Variants in GALNT13 observed in about 807,000 individuals in gnomAD.
GALNT13 encodes UDP-GalNAc:polypeptide N-acetylgalactosaminyltransferase 13.
A neutral mutation model predicts 64.2 loss-of-function variants in GALNT13; 28 were observed. The observed-to-expected ratio is 0.44, with a 90% confidence interval of 0.32 to 0.60. GALNT13 has a LOEUF of 0.60. Ranked by LOEUF, GALNT13 falls within the 20% of genes least tolerant of loss-of-function variation. The pLI is 0.05. For synonymous variants in GALNT13, 214 were observed against 224.6 expected, an observed-to-expected ratio of 0.95 and a Z score of 0.42; for missense variants, 577 against 669.8, an observed-to-expected ratio of 0.86 and a Z score of 1.53.
At chr2:153,728,075 C>A in the GALNT13 span, among the ~76,000 whole-genome samples, 2 of 152,138 alleles carry the variant, frequency 1.3e-5, no homozygotes, top group Admixed American at 1.3e-4. Context: ...GAGATGAACT[C>A]ATTCTTTTTT....
At chr2:153,134,176 A>G in the GALNT13 span, among the ~76,000 whole-genome samples, 1 of 152,280 alleles carries the variant, frequency 6.6e-6, no homozygotes, top group East Asian at 1.9e-4. Context: ...AAAAGAATCC[A>G]TTAAAGTCAG....
At chr2:153,877,040 A>G (rs1330555150) in intron 1 of GALNT13, among the ~76,000 whole-genome samples, 5 of 152,086 alleles carry the variant, frequency 3.3e-5, no homozygotes, top group Non-Finnish European at 5.9e-5. Flanking sequence ...AAATTGTTCC[A>G]GGTTAATGGT....
At chr2:153,560,433 C>T in the GALNT13 span, among the ~76,000 whole-genome samples, 1 of 151,948 alleles carries the variant, frequency 6.6e-6, no homozygotes, top group African/African-American at 2.4e-5. Flanking sequence ...AAAAAACATT[C>T]ATCCATGTTT....
the GALNT13 span, among the ~76,000 whole-genome samples, chr2:153,190,184 T>C: frequency 6.6e-6 from 1 of 152,058 alleles, no homozygotes; most frequent in African/African-American, 2.4e-5. Context: ...CAATGTCCTA[T>C]AGTGTTTCCC....
chr2:153,658,074 T>C, the GALNT13 span, among the ~76,000 whole-genome samples: 12 of 152,236 alleles, frequency 7.9e-5, no homozygotes, highest in Admixed American at 7.2e-4. Context: ...AAAAATTAGA[T>C]GTCTGACTCA....
At chr2:153,924,917 G>A (rs1411870578) in intron 2 of GALNT13, among the ~76,000 whole-genome samples, 1 of 151,972 alleles carries the variant, frequency 6.6e-6, no homozygotes, top group Non-Finnish European at 1.5e-5. Flanking sequence ...TTTTTGGCTT[G>A]TAAATTTGCT....
the GALNT13 span, among the ~76,000 whole-genome samples, chr2:153,712,794 A>G: frequency 2.0e-5 from 3 of 152,194 alleles, no homozygotes; most frequent in Admixed American, 6.5e-5. Flanking sequence ...CCATCATTGG[A>G]GCAGGTAGTC....
chr2:153,689,068 GTA>G, the GALNT13 span, among the ~76,000 whole-genome samples: 37 of 115,488 alleles, frequency 3.2e-4, no homozygotes, highest in African/African-American at 8.6e-4. Flanking sequence ...AACCGCGTGT[GTA>G]TGTGTGTGTG....
intron 4 of GALNT13, among the ~76,000 whole-genome samples, chr2:154,231,717 G>A (rs954472776): frequency 2.0e-5 from 3 of 149,152 alleles, no homozygotes; most frequent in African/African-American, 7.4e-5. Context: ...GAATTCACTG[G>A]GCCATATGCT....
the GALNT13 span, among the ~76,000 whole-genome samples, chr2:153,590,161 ATTG>A: frequency 6.6e-6 from 1 of 152,280 alleles, no homozygotes; most frequent in Non-Finnish European, 1.5e-5. Flanking sequence ...AGGCATTACA[ATTG>A]TTATTTTGGT....
the GALNT13 span, among the ~76,000 whole-genome samples, chr2:153,459,714 A>G: frequency 6.6e-6 from 1 of 152,098 alleles, no homozygotes; most frequent in Non-Finnish European, 1.5e-5. Flanking sequence ...CACTAAAGAC[A>G]ACAAGTAGAG....
the GALNT13 span, among the ~76,000 whole-genome samples, chr2:153,683,798 G>A: frequency 6.6e-6 from 1 of 151,558 alleles, no homozygotes; most frequent in Non-Finnish European, 1.5e-5. Flanking sequence ...TAATCTTTTG[G>A]GAGTAACTAC....
the GALNT13 span, among the ~76,000 whole-genome samples, chr2:153,382,054 C>G: frequency 6.6e-6 from 1 of 152,032 alleles, no homozygotes; most frequent in Non-Finnish European, 1.5e-5. Flanking sequence ...ATGCTGATAA[C>G]CAAGACTGAA....
At chr2:154,069,093 G>C (rs891996773) in intron 3 of GALNT13, among the ~76,000 whole-genome samples, 1 of 151,910 alleles carries the variant, frequency 6.6e-6, no homozygotes, top group Non-Finnish European at 1.5e-5. Flanking sequence ...TACGTCTTTA[G>C]AGGGCCAAAA....
intron 3 of GALNT13, among the ~76,000 whole-genome samples, chr2:153,947,529 G>GGT: frequency 6.7e-6 from 1 of 149,528 alleles, no homozygotes; most frequent in Non-Finnish European, 1.5e-5. Flanking sequence ...CTTTTTGGTG[G>GGT]TTTTTTTTTC....
the GALNT13 span, among the ~76,000 whole-genome samples, chr2:153,157,222 A>G: frequency 2.0e-5 from 3 of 152,326 alleles, no homozygotes; most frequent in East Asian, 5.8e-4. Flanking sequence ...CTCTTAAATA[A>G]TCCTTTTGAG....
chr2:153,524,167 G>T, the GALNT13 span, among the ~76,000 whole-genome samples: 2 of 152,050 alleles, frequency 1.3e-5, no homozygotes, highest in Admixed American at 1.3e-4. Context: ...TCACTTGATT[G>T]TGGTATATAA....
intron 3 of GALNT13, among the ~76,000 whole-genome samples, chr2:154,047,072 T>A (rs1699329816): frequency 6.6e-6 from 1 of 152,178 alleles, no homozygotes; most frequent in Non-Finnish European, 1.5e-5. Context: ...TCTGATGATT[T>A]GATGAGCCCT....
the GALNT13 span, among the ~76,000 whole-genome samples, chr2:153,201,266 T>C: frequency 6.6e-6 from 1 of 152,184 alleles, no homozygotes; most frequent in Non-Finnish European, 1.5e-5. Context: ...GGTGGGTCTG[T>C]TGTCACTTTG....
Sources: allele counts gnomAD v4.1 joint callset (sites outside exome capture counted in the v4.1 genomes callset), GRCh38; gene constraint gnomAD v4.1.1; transcripts MANE v1.5; gene names NCBI Gene and HGNC (gene_info 2026-07-23, HGNC 2026-07-21).